CHST9: variants seen among roughly 807,000 people sequenced by gnomAD.
CHST9 encodes the protein GalNAc-4-sulfotransferase 2.
In CHST9, 41 loss-of-function variants were observed where a neutral mutation model predicts 44.4. The ratio of observed to expected loss-of-function variants is 0.92; its 90% confidence interval spans 0.72 to 1.20. The LOEUF (loss-of-function observed/expected upper bound fraction) is 1.20. CHST9 is among the 50% of genes most tolerant of loss of function. The pLI is 0.00. For missense variants in CHST9, 504 were observed against 516.5 expected, an observed-to-expected ratio of 0.98 and a Z score of 0.23; for synonymous variants, 171 against 178.4, an observed-to-expected ratio of 0.96 and a Z score of 0.33.
intron 4 of CHST9, among the ~76,000 whole-genome samples, chr18:26,962,818 C>A (rs1404512182): frequency 6.6e-6 from 1 of 152,020 alleles, no homozygotes; most frequent in African/African-American, 2.4e-5. Flanking sequence ...CCGCAGGTGT[C>A]TGGTATAAAT....
intron 5 of CHST9, chr18:26,934,395 C>A (rs2055945512): frequency 6.6e-6 from 1 of 151,980 alleles, no homozygotes; most frequent in African/African-American, 2.4e-5. Context: ...CAACCACGCC[C>A]GGCTAATTTT....
At chr18:26,957,865 A>C (rs1330627725) in intron 4 of CHST9, among the ~76,000 whole-genome samples, 2 of 151,798 alleles carry the variant, frequency 1.3e-5, no homozygotes, top group African/African-American at 2.4e-5. Context: ...CATTCTACTT[A>C]TTTCTTTCTT....
intron 5 of CHST9, among the ~76,000 whole-genome samples, chr18:26,918,290 C>T (rs1176512574): frequency 2.6e-5 from 4 of 152,008 alleles, no homozygotes; most frequent in Non-Finnish European, 1.5e-5. Flanking sequence ...AACATGATCT[C>T]ACTTAGACTT....
intron 3 of CHST9, among the ~76,000 whole-genome samples, chr18:27,036,670 G>C (rs990179185): frequency 3.3e-5 from 5 of 152,168 alleles, no homozygotes; most frequent in Admixed American, 6.5e-5. Flanking sequence ...CTGGGACCAA[G>C]GACTGGGCCA....
At chr18:27,007,861 C>T (rs427766) in intron 4 of CHST9, among the ~76,000 whole-genome samples, 109 of 152,224 alleles carry the variant, frequency 7.2e-4, no homozygotes, top group African/African-American at 2.6e-3. Flanking sequence ...GATAACTCTT[C>T]TGAAATGCAT....
chr18:26,991,377 T>C (rs1421186777), intron 4 of CHST9, among the ~76,000 whole-genome samples: 2 of 152,198 alleles, frequency 1.3e-5, no homozygotes, highest in Non-Finnish European at 2.9e-5. Flanking sequence ...ATGCCATCAA[T>C]GGACATGTGG....
intron 1 of CHST9, among the ~76,000 whole-genome samples, chr18:27,173,191 A>G (rs1363757215): frequency 6.6e-6 from 1 of 152,058 alleles, no homozygotes; most frequent in African/African-American, 2.4e-5. Context: ...GACTAAATCG[A>G]GAGCTTTGTC....
intron 2 of CHST9, among the ~76,000 whole-genome samples, chr18:27,117,379 C>T (rs907265359): frequency 2.6e-5 from 4 of 152,122 alleles, no homozygotes; most frequent in African/African-American, 9.7e-5. Context: ...CAGTGGAACA[C>T]TGGTTACACA....
chr18:27,053,145 A>AGAAGAAGAAGAG (rs2057592605), intron 2 of CHST9, among the ~76,000 whole-genome samples: 2 of 127,544 alleles, frequency 1.6e-5, no homozygotes, highest in Non-Finnish European at 3.4e-5. Context: ...AAGAAGAAGA[A>AGAAGAAGAAGAG]GAAGAAGAAG....
intron 4 of CHST9, chr18:26,952,453 T>C: frequency 2.3e-6 from 1 of 433,336 alleles, no homozygotes; most frequent in Non-Finnish European, 4.5e-6. Context: ...TCTTATTTCC[T>C]GCAATGAACA....
At chr18:26,929,019 C>T (rs575110926) in intron 5 of CHST9, among the ~76,000 whole-genome samples, 7 of 152,264 alleles carry the variant, frequency 4.6e-5, no homozygotes, top group East Asian at 1.9e-4. Flanking sequence ...TAAGTGAAGG[C>T]ATTGGCTGGG....
At chr18:27,032,231 G>T (rs923161926) in intron 3 of CHST9, among the ~76,000 whole-genome samples, 1 of 152,212 alleles carries the variant, frequency 6.6e-6, no homozygotes, top group African/African-American at 2.4e-5. Flanking sequence ...CTGGCACACA[G>T]AAACACCCCG....
intron 2 of CHST9, among the ~76,000 whole-genome samples, chr18:27,075,157 TTG>T (rs1354912443): frequency 7.4e-6 from 1 of 134,234 alleles, no homozygotes; most frequent in Non-Finnish European, 1.6e-5. Flanking sequence ...GTTGCTTTTT[TTG>T]TTTGTTTTTT....
chr18:27,150,318 G>A (rs1480663460), intron 1 of CHST9, among the ~76,000 whole-genome samples: 2 of 152,150 alleles, frequency 1.3e-5, no homozygotes, highest in African/African-American at 2.4e-5. Flanking sequence ...GCACTTCTGT[G>A]TCTGTGTCTG....
At chr18:27,028,156 T>G (rs184465783) in intron 3 of CHST9, among the ~76,000 whole-genome samples, 107 of 152,278 alleles carry the variant, frequency 7.0e-4, no homozygotes, top group African/African-American at 2.4e-3. Context: ...CCTTGTGATC[T>G]GCCTGCCTCA....
At chr18:27,029,745 T>C (rs1245588646) in intron 3 of CHST9, among the ~76,000 whole-genome samples, 2 of 152,204 alleles carry the variant, frequency 1.3e-5, no homozygotes, top group African/African-American at 2.4e-5. Context: ...AAAAAGAGTC[T>C]GCAGTTATTG....
chr18:27,137,792 T>A (rs2058528801), intron 2 of CHST9, among the ~76,000 whole-genome samples: 2 of 152,160 alleles, frequency 1.3e-5, no homozygotes, highest in South Asian at 4.1e-4. Context: ...ACGAAACAGT[T>A]ATACACCATG....
intron 5 of CHST9, chr18:26,936,506 A>T (rs2145099290): frequency 6.6e-6 from 1 of 152,298 alleles, no homozygotes; most frequent in African/African-American, 2.4e-5. Flanking sequence ...TAACCTATGA[A>T]GTGAGTGTCT....
At chr18:27,062,126 A>G (rs2057729471) in intron 2 of CHST9, among the ~76,000 whole-genome samples, 1 of 151,908 alleles carries the variant, frequency 6.6e-6, no homozygotes, top group East Asian at 1.9e-4. Flanking sequence ...CTAATAAAAC[A>G]TTCCTCTTCA....
Sources: allele counts gnomAD v4.1 joint callset (sites outside exome capture counted in the v4.1 genomes callset), GRCh38; gene constraint gnomAD v4.1.1; transcripts MANE v1.5; gene names NCBI Gene and HGNC (gene_info 2026-07-23, HGNC 2026-07-21).